The following MEGF6 variants were observed in gnomAD, a reference collection of about 807,000 sequenced individuals.
MEGF6 encodes multiple epidermal growth factor-like domains protein 6.
A neutral mutation model predicts 207.1 loss-of-function variants in MEGF6; 184 were observed. The ratio of observed to expected loss-of-function variants is 0.89; its 90% CI spans 0.79 to 1.00. The LOEUF is 1.00. MEGF6 is among the 50% of genes least tolerant of loss of function. MEGF6 has a pLI of 0.00. For missense variants in MEGF6, 2,282 were observed against 2,202.9 expected, an observed-to-expected ratio of 1.04 and a Z score of -0.72; for synonymous variants, 1,038 against 910.0, an observed-to-expected ratio of 1.14 and a Z score of -2.53.
At chr1:3,517,580 C>A (rs536869264) in intron 5 of MEGF6, among the ~76,000 whole-genome samples, 5 of 152,348 alleles carry the variant, frequency 3.3e-5, no homozygotes, top group African/African-American at 1.2e-4. Context: ...GGAGGGGCCA[C>A]CCCTGCGTGG....
chr1:3,607,168 C>A (rs545471747), intron 1 of MEGF6, among the ~76,000 whole-genome samples: 7 of 151,986 alleles, frequency 4.6e-5, no homozygotes, highest in African/African-American at 1.7e-4. Flanking sequence ...CCTCAGCAAT[C>A]TCAGCTGCCA....
chr1:3,624,723 C>T, the MEGF6 span: 52 of 160,962 alleles, frequency 3.2e-4, 1 homozygote, highest in Admixed American at 9.7e-4. Context: ...TTCCCAGCCC[C>T]TCCTTCCCAG....
At chr1:3,524,561 T>A (rs1641889683) in intron 4 of MEGF6, among the ~76,000 whole-genome samples, 1 of 152,146 alleles carries the variant, frequency 6.6e-6, no homozygotes, top group Admixed American at 6.5e-5. Context: ...CACGCGGTTT[T>A]CTTAAGTCCA....
chr1:3,499,967 G>A (rs1006773926), intron 21 of MEGF6, 43 bp from the exon 22 acceptor site: 70 of 1,519,578 alleles, frequency 4.6e-5, no homozygotes, highest in Non-Finnish European at 6.1e-5. Flanking sequence ...AGAGGGCCAG[G>A]AGCCTGACCC....
chr1:3,510,366 C>A (rs1228447743), intron 10 of MEGF6, among the ~76,000 whole-genome samples: 2 of 151,868 alleles, frequency 1.3e-5, no homozygotes, highest in East Asian at 1.9e-4. Context: ...CACAGCCCTG[C>A]ACGCAGCAGG....
In MEGF6 at chr1:3,506,218, T is replaced by C. The variant is rs1641112312; in HGVS notation, c.1808A>G (p.Tyr603Cys). 2 of 1,608,984 alleles carry C rather than the reference T, an allele frequency of 1.2e-6. No individual in the cohort carries two copies. Among genetic ancestry groups the C allele is most frequent in the Non-Finnish European group, 1.7e-6 (2 of 1,178,334 alleles). Residue 603 changes from tyrosine to cysteine, a missense_variant, in exon 15 of 37, where the codon TAT becomes TGT. Tyr to Cys is a radical substitution (Grantham distance 194). Transcript: ENST00000356575. ...NCEDGCPKGY[Y>C]GKHCRKKCNC... Reference sequence around the variant, plus strand: ...GCATTTCTTGCGACAGTGCTTGCCATAGTAGCCCTTGGGGCAGCCTGGGGG... The same window carrying C: ...GCATTTCTTGCGACAGTGCTTGCCACAGTAGCCCTTGGGGCAGCCTGGGGG...
the MEGF6 span, among the ~76,000 whole-genome samples, chr1:3,620,551 G>A: frequency 6.6e-6 from 1 of 152,226 alleles, no homozygotes; most frequent in Admixed American, 6.5e-5. Flanking sequence ...GAAGTCTGCT[G>A]CAGGGGCAGA....
intron 1 of MEGF6, among the ~76,000 whole-genome samples, chr1:3,609,317 C>T (rs1406459955): frequency 6.6e-6 from 1 of 152,224 alleles, no homozygotes; most frequent in East Asian, 1.9e-4. Context: ...CAGGGTCCAG[C>T]GCAGGGTCCC....
At chr1:3,541,196 C>A (rs1642503926) in intron 4 of MEGF6, among the ~76,000 whole-genome samples, 1 of 152,264 alleles carries the variant, frequency 6.6e-6, no homozygotes, top group Non-Finnish European at 1.5e-5. Context: ...CCCCATGGCA[C>A]TGCCCCGTGG....
intron 1 of MEGF6, among the ~76,000 whole-genome samples, chr1:3,606,638 GA>G (rs1401427781): frequency 6.6e-6 from 1 of 152,212 alleles, no homozygotes; most frequent in Non-Finnish European, 1.5e-5. Flanking sequence ...GTTTATTCCG[GA>G]AAAAGTGTCA....
chr1:3,500,469 G>A (rs916726594), intron 21 of MEGF6, among the ~76,000 whole-genome samples, 164 bp downstream of exon 21: 11 of 152,270 alleles, frequency 7.2e-5, no homozygotes, highest in African/African-American at 2.7e-4. Context: ...GTGCCTGCAC[G>A]TTTTGGTGGG....
chr1:3,566,981 G>A lies in MEGF6; in HGVS notation c.481+12844C>T, dbSNP rs544678149. ...ACTACCACACCTGTTTTCCCAGGGC[G>A]GAAACTGAGGCATAGTGAGGCCGTC... is the stretch of plus-strand genomic sequence containing the variant. On this transcript the variant is annotated intron_variant, in intron 4 of 36. Transcript: ENST00000356575. 1.3e-4 allele frequency among the ~76,000 whole-genome samples: 20 copies of A among 152,334 alleles called. No individual in the cohort carries two copies. In the East Asian group the frequency reaches 3.1e-3, roughly 24 times the overall value.
At chr1:3,498,268 G>T in intron 26 of MEGF6, 103 bp downstream of exon 26, 1 of 1,393,640 alleles carries the variant, frequency 7.2e-7, no homozygotes, top group Non-Finnish European at 9.5e-7. Context: ...CAGGTCCCCT[G>T]GTGAGGCCCC....
chr1:3,595,435 G>A lies in MEGF6; in HGVS notation c.279C>T (p.Tyr93=), dbSNP rs1334845640. ...TGGTATACACCTGCCTGTAGCCCAT[G>A]TAGTAGACGGTTCTAGAAAGAAAGA... is the stretch of plus-strand genomic sequence containing the variant. ...CVGHERRTVY[Y]MGYRQVYTTE... is the part of the protein sequence containing the mutation. Residue 93 remains tyrosine (Y), a synonymous_variant, in exon 3 of 37, where the codon TAC becomes TAT. Transcript: ENST00000356575. The A allele has an allele frequency of 1.2e-6, 2 of 1,612,482 alleles. No homozygotes were observed. The highest frequency in any genetic ancestry group is 1.7e-6 in the Non-Finnish European group (2 of 1,179,706).
rs116911050 is a variant in MEGF6, at chr1:3,561,665, G to C, written c.481+18160C>G. 4.3e-3 allele frequency among the ~76,000 whole-genome samples: 659 copies of C among 152,256 alleles called. 14 individuals are homozygous for C. In the East Asian group the frequency reaches 0.048, roughly 11 times the overall value. On this transcript the variant is annotated intron_variant, in intron 4 of 36. Coordinates refer to ENST00000356575, the MANE Select transcript of MEGF6 (RefSeq NM_001409.4). ...AAAGACCGTTCCCGCCCGCATCCTG[G>C]GTGTGCCCTAGGAAAGCTGCCTCTT...
chr1:3,545,925 A>G (rs141719635), intron 4 of MEGF6, among the ~76,000 whole-genome samples: 142 of 152,324 alleles, frequency 9.3e-4, no homozygotes, highest in Non-Finnish European at 1.7e-3. Flanking sequence ...CCTGACCCCA[A>G]GTCCAGCAGG....
chr1:3,617,121 T>C, the MEGF6 span, among the ~76,000 whole-genome samples: 1 of 151,270 alleles, frequency 6.6e-6, no homozygotes, highest in Admixed American at 6.6e-5. Context: ...GGCTGTGCCA[T>C]GCAGGCCCCC....
At position 3,505,307 on chromosome 1, in the gene MEGF6, G is replaced by C. The variant is rs767719862; in HGVS notation, c.2089C>G (p.Gln697Glu). 3.1e-6 allele frequency: 5 copies of C among 1,611,956 alleles called. No homozygotes were observed. The Admixed American group carries it at 6.7e-5, about 22-fold the overall frequency. The change falls in exon 17 of 37, where the codon CAG becomes GAG. Residue 697 changes from glutamine (Q) to glutamate (E), a missense_variant. Gln to Glu is a conservative substitution (Grantham distance 29). Coordinates refer to ENST00000356575, the MANE Select transcript of MEGF6 (RefSeq NM_001409.4). ...ELGYFGPGCW[Q>E]ACTCPVGVAC... The stretch of plus-strand genomic sequence containing the variant: ...ACGCCCACTGGGCAGGTGCATGCCT[G>C]CCAGCACCCCGGCCCAAAGTAGCCC...
At chr1:3,609,311 G>T (rs369562781) in intron 1 of MEGF6, among the ~76,000 whole-genome samples, 2 of 152,296 alleles carry the variant, frequency 1.3e-5, no homozygotes, top group African/African-American at 4.8e-5. Flanking sequence ...CCTCTCCAGG[G>T]TCCAGCGCAG....
Sources: allele counts gnomAD v4.1 joint callset (sites outside exome capture counted in the v4.1 genomes callset), GRCh38; gene constraint gnomAD v4.1.1; transcripts MANE v1.5; gene names NCBI Gene and HGNC (gene_info 2026-07-23, HGNC 2026-07-21).